The following ANO4 variants were observed in gnomAD, a reference collection of about 807,000 sequenced individuals.
ANO4 encodes anoctamin 4.
ANO4 carries 69 observed loss-of-function variants against 141.9 expected under a neutral mutation model. The observed-to-expected ratio is 0.49, with a 90% CI of 0.40 to 0.59. The LOEUF (loss-of-function observed/expected upper bound fraction) is 0.59, where lower values mean the gene tolerates loss of function less well. ANO4 is among the 20% of genes least tolerant of loss of function. ANO4 has a pLI of 0.00. For synonymous variants in ANO4, 350 were observed against 394.3 expected, an observed-to-expected ratio of 0.89 and a Z score of 1.33; for missense variants, 894 against 1,162.2, an observed-to-expected ratio of 0.77 and a Z score of 3.36.
At chr12:100,919,736 G>GTATGTATGTATGTGTGTATGTATGTATC (rs3059277) in intron 2 of ANO4, among the ~76,000 whole-genome samples, 1 of 133,056 alleles carries the variant, frequency 7.5e-6, no homozygotes, top group Non-Finnish European at 1.6e-5. Flanking sequence ...GTGTATGTAT[G>GTATGTATGTATGTGTGTATGTATGTATC]TATCTATCTA....
At chr12:100,993,849 G>A (rs753190699) in intron 8 of ANO4, among the ~76,000 whole-genome samples, 8 of 152,170 alleles carry the variant, frequency 5.3e-5, no homozygotes, top group East Asian at 3.8e-4. Context: ...CAGATTTGCC[G>A]AATAAATAAT....
chr12:101,075,488 A>G (rs1182145451), intron 14 of ANO4, among the ~76,000 whole-genome samples: 1 of 151,808 alleles, frequency 6.6e-6, no homozygotes, highest in Non-Finnish European at 1.5e-5. Context: ...TAGCTGAGAA[A>G]ATTCTTGTGG....
intron 14 of ANO4, among the ~76,000 whole-genome samples, chr12:101,066,034 CAAAG>C (rs1349753082): frequency 2.0e-5 from 3 of 152,148 alleles, no homozygotes; most frequent in East Asian, 1.9e-4. Context: ...CAATTGATGA[CAAAG>C]AAAGAATTTG....
intron 25 of ANO4, among the ~76,000 whole-genome samples, chr12:101,118,241 T>A (rs2050935216): frequency 6.6e-6 from 1 of 152,204 alleles, no homozygotes; most frequent in South Asian, 2.1e-4. Flanking sequence ...TTAAAAACTT[T>A]GTAATCATTT....
chr12:100,840,281 T>C (rs2037171761), intron 1 of ANO4, among the ~76,000 whole-genome samples: 1 of 152,194 alleles, frequency 6.6e-6, no homozygotes, highest in African/African-American at 2.4e-5. Context: ...CAGCTTGCAC[T>C]ACTAGATTGG....
At chr12:101,102,533 TG>T (rs1268970810) in intron 22 of ANO4, among the ~76,000 whole-genome samples, 4 of 152,172 alleles carry the variant, frequency 2.6e-5, no homozygotes, top group South Asian at 4.1e-4. Context: ...TTCAAGCCCA[TG>T]TTTTTTTTGT....
chr12:101,071,029 CAGGGATGTGG>C (rs930564329), intron 14 of ANO4, among the ~76,000 whole-genome samples: 6 of 152,122 alleles, frequency 3.9e-5, no homozygotes, highest in Non-Finnish European at 7.4e-5. Context: ...CAAATTCTGG[CAGGGATGTGG>C]AGAAGAGGGA....
At chr12:101,021,030 A>C (rs904604304) in intron 9 of ANO4, among the ~76,000 whole-genome samples, 2 of 152,110 alleles carry the variant, frequency 1.3e-5, no homozygotes, top group Non-Finnish European at 2.9e-5. Context: ...GGTAAGAATA[A>C]CTCTAAAGAA....
chr12:100,737,881 A>G (rs1358700426), intron 2 of ANO4, among the ~76,000 whole-genome samples: 2 of 152,102 alleles, frequency 1.3e-5, no homozygotes, highest in African/African-American at 4.8e-5. Context: ...AGGGTGTTCC[A>G]TTTAGGAAAA....
chr12:100,881,847 T>G (rs2039585734), intron 1 of ANO4, among the ~76,000 whole-genome samples: 1 of 152,136 alleles, frequency 6.6e-6, no homozygotes, highest in African/African-American at 2.4e-5. Flanking sequence ...CTTGAAGAAA[T>G]TTGCTTCTCT....
intron 1 of ANO4, among the ~76,000 whole-genome samples, chr12:100,828,376 G>A (rs1024498439): frequency 6.6e-6 from 1 of 151,980 alleles, no homozygotes; most frequent in South Asian, 2.1e-4. Context: ...GGAGAGTCAA[G>A]GCCCTGGGTC....
At chr12:101,040,927 A>G (rs965631582) in intron 11 of ANO4, among the ~76,000 whole-genome samples, 18 of 152,184 alleles carry the variant, frequency 1.2e-4, no homozygotes, top group Admixed American at 7.2e-4. Flanking sequence ...TGCAAAGGAC[A>G]TGAACTCATC....
intron 22 of ANO4, among the ~76,000 whole-genome samples, chr12:101,108,245 A>G (rs1036323683): frequency 6.6e-6 from 1 of 152,148 alleles, no homozygotes; most frequent in South Asian, 2.1e-4. Context: ...TTGAAACAGA[A>G]GGGAACGCCC....
intron 25 of ANO4, among the ~76,000 whole-genome samples, chr12:101,117,112 C>G (rs1455565272): frequency 3.9e-5 from 6 of 152,202 alleles, no homozygotes; most frequent in African/African-American, 9.6e-5. Context: ...CAGGGACAGA[C>G]AATCCCCAGG....
chr12:100,806,140 TG>T (rs1451347015), intron 1 of ANO4, among the ~76,000 whole-genome samples: 1 of 152,140 alleles, frequency 6.6e-6, no homozygotes, highest in Non-Finnish European at 1.5e-5. Context: ...CAGGGGCAGG[TG>T]GCTAAGGAAG....
intron 8 of ANO4, among the ~76,000 whole-genome samples, chr12:101,005,822 A>G (rs1592990776): frequency 6.6e-6 from 1 of 152,132 alleles, no homozygotes; most frequent in East Asian, 1.9e-4. Context: ...ATTGGTGGGA[A>G]GTTTTCCCAA....
At chr12:100,941,960 T>A (rs1016334196) in intron 4 of ANO4, among the ~76,000 whole-genome samples, 15 of 53,212 alleles carry the variant, frequency 2.8e-4, no homozygotes, top group African/African-American at 5.2e-4. Flanking sequence ...TGAAAAAAAT[T>A]ATTATTATTA....
chr12:100,946,801 C>T (rs957495584), intron 5 of ANO4, among the ~76,000 whole-genome samples: 1 of 151,976 alleles, frequency 6.6e-6, no homozygotes, highest in African/African-American at 2.4e-5. Flanking sequence ...ACTAGTGTTA[C>T]AATTTGGATG....
rs185501611 is a variant in ANO4 at position 100,729,535 on chromosome 12, T to C, written c.23-4239T>C. Among the ~76,000 whole-genome samples, 137 of 152,248 alleles carry C rather than the reference T, an allele frequency of 9.0e-4. 1 individual carries two copies. The highest frequency in any genetic ancestry group is 3.2e-3 in the African/African-American group (134 of 41,526). ...TTACATATGAGGAAACAAAGCCACA[T>C]AGAGAAGAAATAATGTGTCCAGGGG... is the stretch of plus-strand genomic sequence containing the variant. On this transcript the variant is annotated intron_variant, in intron 1 of 29. Coordinates refer to the ANO4 transcript ENST00000644049.
Sources: allele counts gnomAD v4.1 joint callset (sites outside exome capture counted in the v4.1 genomes callset), GRCh38; gene constraint gnomAD v4.1.1; transcripts MANE v1.5; gene names NCBI Gene and HGNC (gene_info 2026-07-23, HGNC 2026-07-21).